SPATA17: variants seen among roughly 807,000 people sequenced by gnomAD.
SPATA17 encodes the protein spermatogenesis associated 17.
SPATA17 carries 53 observed loss-of-function variants against 62.2 expected under a neutral mutation model. The observed-to-expected ratio is 0.85, with a 90% CI of 0.68 to 1.07. The LOEUF is 1.07. SPATA17 is among the 50% of genes least tolerant of loss of function. The pLI is 0.00. For synonymous variants in SPATA17, 146 were observed against 146.8 expected (o/e 0.99, Z 0.04); for missense variants, 466 against 425.5 (o/e 1.10, Z -0.84).
At chr1:217,815,121 A>G (rs993993568) in intron 9 of SPATA17, among the ~76,000 whole-genome samples, 17 of 152,172 alleles carry the variant, frequency 1.1e-4, no homozygotes, top group African/African-American at 3.6e-4. Context: ...ACTCCCAAGT[A>G]TAAGATTATT....
intron 5 of SPATA17, among the ~76,000 whole-genome samples, chr1:217,730,437 G>T (rs1005192581): frequency 6.6e-6 from 1 of 151,896 alleles, no homozygotes; most frequent in Admixed American, 6.6e-5. Flanking sequence ...TGCTGATCTC[G>T]AACTCCTGAC....
intron 8 of SPATA17, among the ~76,000 whole-genome samples, chr1:217,783,058 A>G (rs1224772189): frequency 6.6e-6 from 1 of 151,090 alleles, no homozygotes; most frequent in Non-Finnish European, 1.5e-5. Context: ...GTAAGACATT[A>G]TTACATTATA....
At chr1:217,640,020 G>A (rs1012816775) in intron 1 of SPATA17, among the ~76,000 whole-genome samples, 14 of 151,182 alleles carry the variant, frequency 9.3e-5, no homozygotes, top group Admixed American at 2.0e-4. Flanking sequence ...GTTGTTCTTG[G>A]AACAGTCTTT....
At chr1:217,783,726 G>T (rs1483715394) in intron 8 of SPATA17, among the ~76,000 whole-genome samples, 1 of 152,000 alleles carries the variant, frequency 6.6e-6, no homozygotes, top group African/African-American at 2.4e-5. Context: ...TTATCTGATT[G>T]ATATTTCTAC....
intron 6 of SPATA17, among the ~76,000 whole-genome samples, chr1:217,772,079 AC>A (rs1310775070): frequency 3.3e-5 from 5 of 152,156 alleles, no homozygotes; most frequent in African/African-American, 1.2e-4. Flanking sequence ...AGATTTAGTT[AC>A]ACTTTATGTC....
intron 8 of SPATA17, among the ~76,000 whole-genome samples, chr1:217,793,509 C>T (rs1017661035): frequency 2.6e-5 from 4 of 152,182 alleles, no homozygotes; most frequent in South Asian, 4.1e-4. Context: ...CGTGCGCCAC[C>T]GTGCCCGGCA....
In SPATA17 at chr1:217,770,842, C is replaced by T. The variant is rs535934196; in HGVS notation, c.520-3492C>T. On this transcript the variant is annotated intron_variant, in intron 6 of 10. Transcript: ENST00000366933. ...AGTATTAATGTAATGCTAGGGGTGA[C>T]TGGGTAACAAATGGTACGTTTGCTC... Among the ~76,000 whole-genome samples, 136 of 152,016 alleles carry T rather than the reference C, an allele frequency of 8.9e-4. 1 individual carries two copies. Among genetic ancestry groups the T allele is most frequent in the African/African-American group, 3.0e-3 (126 of 41,480 alleles).
chr1:217,851,230 T>C (rs1438454276), intron 9 of SPATA17, among the ~76,000 whole-genome samples: 1 of 152,058 alleles, frequency 6.6e-6, no homozygotes, highest in Non-Finnish European at 1.5e-5. Flanking sequence ...ATAGAGAAAA[T>C]GCACCATTCA....
chr1:217,843,364 C>G (rs1054243683), intron 9 of SPATA17, among the ~76,000 whole-genome samples: 5 of 151,990 alleles, frequency 3.3e-5, no homozygotes, highest in African/African-American at 9.7e-5. Flanking sequence ...TGCCTGTAAT[C>G]TCAGCACTTT....
At chr1:217,862,724 C>A (rs1315673321) in intron 9 of SPATA17, 50 bp from the exon 10 acceptor site, 3 of 1,289,204 alleles carry the variant, frequency 2.3e-6, no homozygotes, top group African/African-American at 1.5e-5. Flanking sequence ...ATGGTAATAA[C>A]ATAAAATCAT....
At chr1:217,797,546 G>A (rs976858335) in intron 8 of SPATA17, among the ~76,000 whole-genome samples, 1 of 151,906 alleles carries the variant, frequency 6.6e-6, no homozygotes, top group Non-Finnish European at 1.5e-5. Context: ...CACAGCACCC[G>A]GCCTAAATTT....
At chr1:217,713,324 T>A (rs1671922417) in intron 5 of SPATA17, among the ~76,000 whole-genome samples, 1 of 152,164 alleles carries the variant, frequency 6.6e-6, no homozygotes, top group African/African-American at 2.4e-5. Flanking sequence ...CAACTGGTGA[T>A]CTTGAGCTGT....
chr1:217,640,320 A>C (rs886376665), intron 1 of SPATA17, among the ~76,000 whole-genome samples: 3 of 152,150 alleles, frequency 2.0e-5, no homozygotes, highest in Non-Finnish European at 2.9e-5. Context: ...CTGACAGCAT[A>C]ATTATATGTG....
chr1:217,770,999 T>TTTTTTTTTTTTTC (rs1673430060), intron 6 of SPATA17, among the ~76,000 whole-genome samples: 1 of 131,526 alleles, frequency 7.6e-6, no homozygotes, highest in South Asian at 2.7e-4. Context: ...TTTTTTTTTT[T>TTTTTTTTTTTTTC]TTTTTTTTTG....
rs542428490 is a variant in SPATA17 at position 217,825,028 on chromosome 1, TA to T, written c.1005+23181del. Among the ~76,000 whole-genome samples, 334 of 139,360 alleles carry T rather than the reference TA, an allele frequency of 2.4e-3. 2 individuals are homozygous for T. Among genetic ancestry groups the T allele is most frequent in the African/African-American group, 7.3e-3 (276 of 37,906 alleles). The allele number at this position is 139,360 out of a possible 152,430, so 91.4% of individuals were successfully genotyped here. A position where few individuals can be genotyped will look rare whatever the true frequency, so the allele number is the denominator to read the frequency against. ...ATACATATGAATATTTGCATTCATA[TA>T]AATTCAATACATATACAAATGTATT... On this transcript the variant is annotated intron_variant, in intron 9 of 10. Coordinates refer to ENST00000366933, the MANE Select transcript of SPATA17 (RefSeq NM_138796.4).
intron 8 of SPATA17, among the ~76,000 whole-genome samples, chr1:217,791,846 G>T (rs1355948671): frequency 1.3e-5 from 2 of 152,140 alleles, no homozygotes; most frequent in African/African-American, 4.8e-5. Context: ...GGGGTCAGAG[G>T]CCAGAGTCAC....
At chr1:217,785,731 T>A (rs1673843990) in intron 8 of SPATA17, among the ~76,000 whole-genome samples, 8 of 152,216 alleles carry the variant, frequency 5.3e-5, no homozygotes, top group Admixed American at 5.2e-4. Context: ...TTCATAGCAT[T>A]GCATTCCTAG....
chr1:217,784,604 G>A (rs1337750868), intron 8 of SPATA17, among the ~76,000 whole-genome samples: 1 of 152,120 alleles, frequency 6.6e-6, no homozygotes, highest in Non-Finnish European at 1.5e-5. Flanking sequence ...ACCTTAAAAG[G>A]TTGTAATGAG....
chr1:217,749,534 G>C (rs769767791), intron 6 of SPATA17, among the ~76,000 whole-genome samples: 17 of 151,620 alleles, frequency 1.1e-4, no homozygotes, highest in African/African-American at 2.4e-4. Flanking sequence ...AGTTATCCAG[G>C]GTTTTGAAGT....
Sources: gnomAD v4.1 joint callset for allele counts (sites outside exome capture counted in the v4.1 genomes callset) on GRCh38, gnomAD v4.1.1 for gene constraint, MANE v1.5 for transcripts, NCBI Gene and HGNC (gene_info 2026-07-23, HGNC 2026-07-21) for gene names.